Variants in CRYL1 observed in about 807,000 individuals in gnomAD.
The protein encoded by CRYL1 is crystallin lambda 1.
A neutral mutation model predicts 36.6 loss-of-function variants in CRYL1; 29 were observed. That is an observed-to-expected ratio of 0.79 (90% CI 0.59 to 1.08). The LOEUF is 1.08. Among genes scored for constraint, CRYL1 ranks in the 50% least tolerant of loss-of-function variants. The pLI is 0.00. For synonymous variants in CRYL1, 152 were observed against 151.5 expected (o/e 1.00, Z -0.02); for missense variants, 411 against 407.9 (o/e 1.01, Z -0.06).
intron 3 of CRYL1, 162 bp from the exon 4 acceptor site, chr13:20,439,916 G>A (rs527511948): frequency 7.8e-5 from 50 of 640,722 alleles, no homozygotes; most frequent in Non-Finnish European, 1.2e-4. Context: ...AGAAAACAGC[G>A]GAAGCAGGGA....
At chr13:20,508,887 A>AACAAAAAAG (rs2033860632) in intron 2 of CRYL1, among the ~76,000 whole-genome samples, 1 of 126,988 alleles carries the variant, frequency 7.9e-6, no homozygotes, top group African/African-American at 2.9e-5. Context: ...AAAAAAAAAA[A>AACAAAAAAG]ACTGACAACA....
chr13:20,509,565 T>C (rs1399046714), intron 2 of CRYL1, among the ~76,000 whole-genome samples: 1 of 152,216 alleles, frequency 6.6e-6, no homozygotes, highest in African/African-American at 2.4e-5. Context: ...AAAGAAGATA[T>C]GCAGATGACA....
chr13:20,406,943 TTC>T (rs2031394034), intron 6 of CRYL1, among the ~76,000 whole-genome samples: 1 of 151,744 alleles, frequency 6.6e-6, no homozygotes. Context: ...ACATGTCACA[TTC>T]TCTGAGCAAG....
At chr13:20,421,059 A>G (rs2031798569) in intron 5 of CRYL1, among the ~76,000 whole-genome samples, 1 of 8,680 alleles carries the variant, frequency 1.2e-4, no homozygotes, top group African/African-American at 1.5e-4. Flanking sequence ...AATAGAAACA[A>G]ACAAACAAAA....
intron 3 of CRYL1, among the ~76,000 whole-genome samples, chr13:20,450,022 A>G (rs538701995): frequency 1.3e-5 from 2 of 152,344 alleles, no homozygotes; most frequent in Admixed American, 1.3e-4. Context: ...TACTGCCCAA[A>G]ACATCTACAG....
intron 5 of CRYL1, among the ~76,000 whole-genome samples, chr13:20,421,205 A>G (rs532393447): frequency 1.3e-5 from 2 of 152,198 alleles, no homozygotes; most frequent in South Asian, 2.1e-4. Context: ...TTTTAGGGGG[A>G]AAAACAACAG....
At chr13:20,417,940 ACATCAAGAGATTTATTT>A (rs2031710997) in intron 5 of CRYL1, among the ~76,000 whole-genome samples, 1 of 152,228 alleles carries the variant, frequency 6.6e-6, no homozygotes, top group Non-Finnish European at 1.5e-5. Flanking sequence ...ATACACACAT[ACATCAAGAGATTTATTT>A]CAAGGAATTG....
At chr13:20,510,434 G>C (rs1006168989) in intron 2 of CRYL1, among the ~76,000 whole-genome samples, 1 of 152,106 alleles carries the variant, frequency 6.6e-6, no homozygotes, top group South Asian at 2.1e-4. Context: ...TAACATTCTG[G>C]AAAAGGTAAA....
chr13:20,442,617 T>A (rs1184083731), intron 3 of CRYL1, among the ~76,000 whole-genome samples: 2 of 152,176 alleles, frequency 1.3e-5, no homozygotes, highest in Non-Finnish European at 2.9e-5. Flanking sequence ...CCCAGAGAGA[T>A]GCAACCCATG....
intron 3 of CRYL1, among the ~76,000 whole-genome samples, chr13:20,485,289 G>A (rs540978531): frequency 2.7e-4 from 41 of 152,256 alleles, no homozygotes; most frequent in African/African-American, 9.9e-4. Flanking sequence ...AAAGTGCTGG[G>A]ATTACAGGTG....
chr13:20,509,099 C>G (rs546813060), intron 2 of CRYL1, among the ~76,000 whole-genome samples: 2 of 150,774 alleles, frequency 1.3e-5, no homozygotes, highest in African/African-American at 4.9e-5. Flanking sequence ...GAGGCCGAGA[C>G]AGGCGAATTG....
chr13:20,480,805 C>T (rs1288776558), intron 3 of CRYL1, among the ~76,000 whole-genome samples: 3 of 152,236 alleles, frequency 2.0e-5, no homozygotes, highest in Non-Finnish European at 4.4e-5. Flanking sequence ...CCCTCCTCTT[C>T]TAAGACTTTA....
intron 1 of CRYL1, among the ~76,000 whole-genome samples, chr13:20,520,350 A>AGAG (rs147147186): frequency 0.084 from 12,824 of 152,120 alleles, 1,394 homozygotes; most frequent in African/African-American, 0.25. Context: ...TGAACCCTGG[A>AGAG]GAGGGGAAGC....
chr13:20,476,561 T>G (rs2137454243), intron 3 of CRYL1, among the ~76,000 whole-genome samples: 1 of 152,300 alleles, frequency 6.6e-6, no homozygotes, highest in South Asian at 2.1e-4. Context: ...GCAAGGCAGC[T>G]CTGCGTCAGC....
chr13:20,487,302 T>A (rs1012706688), intron 3 of CRYL1, among the ~76,000 whole-genome samples: 3 of 151,852 alleles, frequency 2.0e-5, no homozygotes, highest in African/African-American at 4.8e-5. Flanking sequence ...AGTGTATTAT[T>A]ACAAAAGGAA....
chr13:20,483,821 A>C (rs933194386), intron 3 of CRYL1, among the ~76,000 whole-genome samples: 1 of 151,414 alleles, frequency 6.6e-6, no homozygotes, highest in Non-Finnish European at 1.5e-5. Context: ...GATCGCAGGC[A>C]TGAGCCACCA....
chr13:20,473,606 C>T (rs2033104489), intron 3 of CRYL1, among the ~76,000 whole-genome samples: 1 of 152,218 alleles, frequency 6.6e-6, no homozygotes. Context: ...ACGGAGCCCA[C>T]CGTCCTGGCC....
intron 6 of CRYL1, among the ~76,000 whole-genome samples, chr13:20,408,650 C>G (rs972269333): frequency 1.8e-4 from 28 of 152,288 alleles, no homozygotes; most frequent in Admixed American, 7.8e-4. Context: ...TGAGACTTTG[C>G]TGAAGTTGCT....
At chr13:20,519,478 A>G (rs2034057917) in intron 1 of CRYL1, among the ~76,000 whole-genome samples, 1 of 151,692 alleles carries the variant, frequency 6.6e-6, no homozygotes, top group South Asian at 2.1e-4. Context: ...ATGACACTAC[A>G]TGGGTTGGGC....
Sources: allele counts gnomAD v4.1 joint callset (sites outside exome capture counted in the v4.1 genomes callset), GRCh38; gene constraint gnomAD v4.1.1; transcripts MANE v1.5; gene names NCBI Gene and HGNC (gene_info 2026-07-23, HGNC 2026-07-21).